The following ARHGEF28 variants were observed in gnomAD, a reference collection of about 807,000 sequenced individuals.
ARHGEF28 encodes the protein Rho guanine nucleotide exchange factor 28, also known as 190 kDa guanine nucleotide exchange factor.
ARHGEF28 carries 152 observed loss-of-function variants against 206.6 expected under a neutral mutation model. The ratio of observed to expected loss-of-function variants is 0.74; its 90% CI spans 0.64 to 0.84. ARHGEF28 has a LOEUF of 0.84. Ranked by LOEUF, ARHGEF28 falls within the 40% of genes least tolerant of loss-of-function variation. The pLI, the probability that ARHGEF28 is intolerant of heterozygous loss-of-function variation, is 0.00. For missense variants in ARHGEF28, 2,028 were observed against 2,073.2 expected, an observed-to-expected ratio of 0.98 and a Z score of 0.42; for synonymous variants, 763 against 776.4, an observed-to-expected ratio of 0.98 and a Z score of 0.29.
intron 23 of ARHGEF28, among the ~76,000 whole-genome samples, chr5:73,883,388 C>G (rs947193711): frequency 1.3e-5 from 2 of 152,054 alleles, no homozygotes; most frequent in Non-Finnish European, 2.9e-5. Flanking sequence ...TGAATAATAA[C>G]AAATGTGGAG....
chr5:73,699,628 T>G (rs1748473097), intron 2 of ARHGEF28, among the ~76,000 whole-genome samples: 1 of 152,126 alleles, frequency 6.6e-6, no homozygotes, highest in Non-Finnish European at 1.5e-5. Context: ...AGCAGAGGCG[T>G]GCTGATGGGA....
chr5:73,872,873 T>A (rs1760193924), intron 21 of ARHGEF28, 126 bp from the exon 22 acceptor site: 1 of 1,091,370 alleles, frequency 9.2e-7, no homozygotes, highest in Admixed American at 2.9e-5. Flanking sequence ...ATTGGAATAT[T>A]CTTGATATTC....
chr5:73,713,816 A>T (rs1173948149), intron 2 of ARHGEF28, among the ~76,000 whole-genome samples: 1 of 152,202 alleles, frequency 6.6e-6, no homozygotes, highest in Non-Finnish European at 1.5e-5. Context: ...CAATATATAC[A>T]GCTTCTGGGT....
intron 2 of ARHGEF28, among the ~76,000 whole-genome samples, chr5:73,696,386 G>A (rs1022903519): frequency 6.6e-6 from 1 of 152,126 alleles, no homozygotes; most frequent in Non-Finnish European, 1.5e-5. Flanking sequence ...CTTTGTATGT[G>A]CGGTTGTCTT....
At chr5:73,837,598 A>C (rs1201032368) in intron 10 of ARHGEF28, among the ~76,000 whole-genome samples, 1 of 151,968 alleles carries the variant, frequency 6.6e-6, no homozygotes, top group Non-Finnish European at 1.5e-5. Flanking sequence ...AAAACTATAT[A>C]TATTATGCTT....
intron 10 of ARHGEF28, among the ~76,000 whole-genome samples, chr5:73,836,885 C>T (rs1324432638): frequency 1.3e-5 from 2 of 151,970 alleles, no homozygotes; most frequent in African/African-American, 4.8e-5. Flanking sequence ...ATGTAGCTAT[C>T]CAGTTTTCCT....
chr5:73,910,669 T>C (rs1762850143), intron 34 of ARHGEF28, among the ~76,000 whole-genome samples: 1 of 152,220 alleles, frequency 6.6e-6, no homozygotes, highest in Admixed American at 6.5e-5. Flanking sequence ...TTAGCAAGTA[T>C]AGTACTATTC....
intron 2 of ARHGEF28, among the ~76,000 whole-genome samples, chr5:73,714,125 G>A (rs2112314618): frequency 6.6e-6 from 1 of 152,284 alleles, no homozygotes; most frequent in Non-Finnish European, 1.5e-5. Flanking sequence ...AGGATAATGT[G>A]TAGCACTTGG....
chr5:73,692,932 G>A (rs1048032503), intron 2 of ARHGEF28, among the ~76,000 whole-genome samples: 4 of 152,154 alleles, frequency 2.6e-5, no homozygotes, highest in Non-Finnish European at 5.9e-5. Flanking sequence ...TCCCCCAGTG[G>A]GCTACCTATG....
intron 14 of ARHGEF28, 62 bp downstream of exon 14, chr5:73,852,754 A>AAG: frequency 1.9e-6 from 3 of 1,550,176 alleles, no homozygotes; most frequent in Non-Finnish European, 2.7e-6. Flanking sequence ...AAATGTCCAC[A>AAG]CATCATTTTT....
intron 30 of ARHGEF28, 74 bp downstream of exon 30, chr5:73,898,167 A>C: frequency 6.5e-7 from 1 of 1,530,732 alleles, no homozygotes; most frequent in Non-Finnish European, 8.9e-7. Context: ...CGTAAAGTAA[A>C]GGCAATGACT....
At chr5:73,720,548 A>G (rs953913363) in intron 2 of ARHGEF28, among the ~76,000 whole-genome samples, 5 of 152,124 alleles carry the variant, frequency 3.3e-5, no homozygotes, top group African/African-American at 1.2e-4. Flanking sequence ...GAAGGGAAAT[A>G]GGGAAAATGC....
At chr5:73,668,121 T>TA (rs1402464486) in intron 1 of ARHGEF28, among the ~76,000 whole-genome samples, 3 of 152,174 alleles carry the variant, frequency 2.0e-5, no homozygotes, top group African/African-American at 4.8e-5. Context: ...ATGCTCCACT[T>TA]ACGGCAATCT....
chr5:73,863,742 C>T (rs1034621420), intron 16 of ARHGEF28, among the ~76,000 whole-genome samples: 1 of 151,546 alleles, frequency 6.6e-6, no homozygotes, highest in African/African-American at 2.4e-5. Context: ...TAACTTTGTT[C>T]TGTGGTATCT....
At chr5:73,750,135 AG>A (rs1751949943) in intron 3 of ARHGEF28, among the ~76,000 whole-genome samples, 151 bp downstream of exon 3, 1 of 152,150 alleles carries the variant, frequency 6.6e-6, no homozygotes, top group Non-Finnish European at 1.5e-5. Flanking sequence ...TGTGTATATT[AG>A]GAAGAACACT....
chr5:73,655,303 T>A (rs1745117484), intron 1 of ARHGEF28, among the ~76,000 whole-genome samples: 1 of 150,550 alleles, frequency 6.6e-6, no homozygotes. Flanking sequence ...ATGTGGAGAC[T>A]TACAAGAGTG....
At chr5:73,628,607 GC>G (rs1388589927) in intron 1 of ARHGEF28, among the ~76,000 whole-genome samples, 3 of 152,134 alleles carry the variant, frequency 2.0e-5, no homozygotes, top group Non-Finnish European at 4.4e-5. Flanking sequence ...CCCCCCACCG[GC>G]CCCCGCCCAT....
chr5:73,672,725 G>A (rs370777193), intron 1 of ARHGEF28, among the ~76,000 whole-genome samples: 16 of 152,320 alleles, frequency 1.1e-4, no homozygotes, highest in African/African-American at 3.8e-4. Flanking sequence ...CAGACTCATA[G>A]CATAAGTAAG....
intron 1 of ARHGEF28, among the ~76,000 whole-genome samples, chr5:73,672,034 A>G (rs774722866): frequency 5.5e-4 from 84 of 151,906 alleles, no homozygotes; most frequent in Non-Finnish European, 1.1e-3. Flanking sequence ...TTGATAATAT[A>G]TTTCATTGTG....
Sources: allele counts gnomAD v4.1 joint callset (sites outside exome capture counted in the v4.1 genomes callset), GRCh38; gene constraint gnomAD v4.1.1; transcripts MANE v1.5; gene names NCBI Gene and HGNC (gene_info 2026-07-23, HGNC 2026-07-21).